Variants in CLSPN observed in about 807,000 individuals in gnomAD.
CLSPN encodes the protein claspin homolog.
A neutral mutation model predicts 156.3 loss-of-function variants in CLSPN; 85 were observed. That is an observed-to-expected ratio of 0.54 (90% CI 0.46 to 0.65). The LOEUF (loss-of-function observed/expected upper bound fraction) is 0.65. Among genes scored for constraint, CLSPN ranks in the 30% least tolerant of loss-of-function variants. The probability of loss-of-function intolerance (pLI) is 0.00; values close to 1 mark genes in which losing one functional copy is unlikely to be tolerated. For synonymous variants in CLSPN, 534 were observed against 542.4 expected, an observed-to-expected ratio of 0.98 and a Z score of 0.22; for missense variants, 1,407 against 1,554.9, an observed-to-expected ratio of 0.90 and a Z score of 1.60.
chr1:35,760,206 A>G (rs959357573), intron 8 of CLSPN, 136 bp downstream of exon 8: 1 of 660,254 alleles, frequency 1.5e-6, no homozygotes, highest in Non-Finnish European at 2.5e-6. Flanking sequence ...GACTCTGCCC[A>G]TATCTGGAAC....
chr1:35,720,519 G>A (rs554589390), exon 25 of CLSPN: 122 of 138,282 alleles, frequency 8.8e-4, no homozygotes, highest in African/African-American at 3.1e-3. Context: ...GCGCAATCTC[G>A]GCTCACCGCA....
chr1:35,728,077 C>CTTTTTTTTTTTTTTTTT (rs59275877), downstream of CLSPN, among the ~76,000 whole-genome samples: 16 of 103,986 alleles, frequency 1.5e-4, no homozygotes, highest in African/African-American at 1.8e-4. Flanking sequence ...AAACCACAAG[C>CTTTTTTTTTTTTTTTTT]TTTTTTTTTT....
Position 35,734,084 on chromosome 1 carries a change from T to G in CLSPN, c.*2412A>C. ...AACCCAAACCACTTGGTAAGTTAAC[T>G]TGATCAATTCACTAGGACTGAGAAG... On this transcript the variant is annotated 3_prime_UTR_variant, in exon 25 of 25. Coordinates refer to ENST00000318121, the MANE Select transcript of CLSPN (RefSeq NM_022111.4). The G allele has an allele frequency of 1.0e-6, 1 of 985,440 alleles. No individual in the cohort carries two copies. Among genetic ancestry groups the G allele is most frequent in the Non-Finnish European group, 1.2e-6 (1 of 829,924 alleles). The allele number at this position is 985,440 out of a possible 1,614,324, so 61.0% of individuals were successfully genotyped here.
In CLSPN at chr1:35,733,259, C is replaced by A. The variant is rs527617715; in HGVS notation, c.*3237G>T. Among the ~76,000 whole-genome samples, 1 of 152,004 alleles carries A rather than the reference C, an allele frequency of 6.6e-6. No individual in the cohort carries two copies. Among genetic ancestry groups the A allele is most frequent in the South Asian group, 2.1e-4 (1 of 4,814 alleles). ...CTGAGATTACAGGCATAAGCCACCA[C>A]GCCCAGCCCAGAAACCATTTTCTCC... On this transcript the variant is annotated 3_prime_UTR_variant, in exon 25 of 25. Coordinates refer to ENST00000318121, the MANE Select transcript of CLSPN (RefSeq NM_022111.4).
Position 35,737,396 on chromosome 1 carries a change from T to G in CLSPN, c.3690A>C (p.Glu1230Asp). 2 of 1,614,014 alleles carry G rather than the reference T, an allele frequency of 1.2e-6. No individual in the cohort carries two copies. Among genetic ancestry groups the G allele is most frequent in the Non-Finnish European group, 1.7e-6 (2 of 1,179,932 alleles). ...AAGGATTTCTGAGCAAAGACTTTGA[T>G]TCCTGAATAACCATAGGGCGACTGG... ...KNASRPMVIQ[E>D]SKSLLRNPFE... Residue 1230 changes from glutamate (E) to aspartate (D), a missense_variant, in exon 23 of 25, where the codon GAA (glutamate) becomes GAC (aspartate). Glu to Asp is a conservative substitution (Grantham distance 45). This residue lies in a region of CLSPN where 241 missense variants were observed against 240.5 expected (regional missense o/e 1.00). Coordinates refer to ENST00000318121, the MANE Select transcript of CLSPN (RefSeq NM_022111.4).
At chr1:35,740,421 CTTT>C (rs11339039) in intron 18 of CLSPN, among the ~76,000 whole-genome samples, 6 of 142,268 alleles carry the variant, frequency 4.2e-5, no homozygotes, top group Non-Finnish European at 4.6e-5. Flanking sequence ...TGTATTTTCT[CTTT>C]TTTTTTTTTT....
At chr1:35,742,417 A>G (rs1641726121) in intron 18 of CLSPN, among the ~76,000 whole-genome samples, 1 of 152,156 alleles carries the variant, frequency 6.6e-6, no homozygotes, top group South Asian at 2.1e-4. Context: ...GCTGGAGTGC[A>G]GTGGGGCAAT....
Position 35,760,872 on chromosome 1 carries a change from G to A in CLSPN, c.1049C>T (p.Thr350Ile). ...ACTGTTCATTTCAGTAGTATTTGCAGTGTCTATGATTTCTTTGTGATGGCT... is the reference window on the plus strand; with the variant it reads ...ACTGTTCATTTCAGTAGTATTTGCAATGTCTATGATTTCTTTGTGATGGCT... ...QSSHHKEIID[T>I]ANTTEMNSDH... The change falls in exon 8 of 25, where the codon ACT (threonine) becomes ATT (isoleucine). Residue 350 changes from threonine to isoleucine, a missense_variant. Thr to Ile is a moderately conservative substitution (Grantham distance 89). This residue lies in a region of CLSPN where 1,096 missense variants were observed against 1,193.0 expected (regional missense o/e 0.92). Coordinates refer to ENST00000318121, the MANE Select transcript of CLSPN (RefSeq NM_022111.4). 1 of 1,613,898 alleles carries A rather than the reference G, an allele frequency of 6.2e-7. No individual in the cohort carries two copies. Among genetic ancestry groups the A allele is most frequent in the Non-Finnish European group, 8.5e-7 (1 of 1,179,854 alleles).
intron 1 of CLSPN, among the ~76,000 whole-genome samples, chr1:35,766,439 T>C (rs1427401421): frequency 5.3e-5 from 8 of 152,116 alleles, no homozygotes; most frequent in Non-Finnish European, 1.2e-4. Flanking sequence ...TTCTATATGC[T>C]ATGTGTATAT....
intron 1 of CLSPN, among the ~76,000 whole-genome samples, chr1:35,767,621 C>T (rs755763494): frequency 6.6e-6 from 1 of 152,096 alleles, no homozygotes; most frequent in Non-Finnish European, 1.5e-5. Context: ...ATAAAATTAC[C>T]TTCAGACTAT....
In CLSPN at chr1:35,764,599, A is replaced by T; in HGVS notation, c.249T>A (p.Ser83Arg). ...AATTCTCTTTATTTTCCTCCTCGGCACTGTCATAGGTAGTTTTCTCTGGAG... is the reference window on the plus strand; with the variant it reads ...AATTCTCTTTATTTTCCTCCTCGGCTCTGTCATAGGTAGTTTTCTCTGGAG... ...NASPEKTTYD[S>R]AEEENKENLY... Residue 83 changes from serine (S) to arginine (R), a missense_variant, in exon 3 of 25, where the codon AGT becomes AGA. By Grantham distance (110) the Ser-to-Arg change is moderately radical (BLOSUM62 -1). This residue lies in a region of CLSPN where 1,096 missense variants were observed against 1,193.0 expected (regional missense o/e 0.92). Transcript: ENST00000318121. 1 of 1,613,862 alleles carries T rather than the reference A, an allele frequency of 6.2e-7. No homozygotes were observed. The highest frequency in any genetic ancestry group is 8.5e-7 in the Non-Finnish European group (1 of 1,179,914).
chr1:35,765,978 C>G (rs1194239775), intron 1 of CLSPN, among the ~76,000 whole-genome samples: 1 of 90,640 alleles, frequency 1.1e-5, no homozygotes. Context: ...TGGGTGGTTT[C>G]TTTCTCTCTC....
chr1:35,742,147 T>C (rs956114546), intron 18 of CLSPN, among the ~76,000 whole-genome samples: 7 of 152,004 alleles, frequency 4.6e-5, no homozygotes, highest in Non-Finnish European at 2.9e-5. Flanking sequence ...CCAGGTGTGG[T>C]GGCACATGCC....
chr1:35,741,333 C>T (rs953069975), intron 18 of CLSPN, among the ~76,000 whole-genome samples: 4 of 151,812 alleles, frequency 2.6e-5, no homozygotes, highest in Non-Finnish European at 5.9e-5. Flanking sequence ...TTGCGGGGGT[C>T]GGGGAGAATG....
At position 35,734,318 on chromosome 1, in the gene CLSPN, C is replaced by T; in HGVS notation, c.*2178G>A. ...ATTAAAACATCTTTATACACATTTT[C>T]CCCATTATAAGATTACAAGTATACA... is the stretch of plus-strand genomic sequence containing the variant. On this transcript the variant is annotated 3_prime_UTR_variant, in exon 25 of 25. Transcript: ENST00000318121. The T allele has an allele frequency of 2.0e-6, 2 of 984,732 alleles. No homozygotes were observed. The highest frequency in any genetic ancestry group is 2.4e-6 in the Non-Finnish European group (2 of 829,314). 61.0% of individuals were successfully genotyped at this position (984,732 alleles called of 1,614,324 possible).
chr1:35,752,535 G>A (rs1432327843), intron 9 of CLSPN, among the ~76,000 whole-genome samples: 1 of 141,996 alleles, frequency 7.0e-6, no homozygotes, highest in Non-Finnish European at 1.5e-5. Flanking sequence ...CTAAGATCGT[G>A]CCATTGCACT....
At chr1:35,726,060 G>A (rs759041755) in intron 24 of CLSPN, among the ~76,000 whole-genome samples, 22 of 139,032 alleles carry the variant, frequency 1.6e-4, no homozygotes, top group Non-Finnish European at 3.0e-4. Context: ...GGCAAGCATC[G>A]TTCTTTGAGT....
chr1:35,745,616 T>A, intron 15 of CLSPN, 54 bp from the exon 16 acceptor site: 1 of 1,275,420 alleles, frequency 7.8e-7, no homozygotes, highest in Non-Finnish European at 1.1e-6. Flanking sequence ...CTTTATACTC[T>A]TTTCCCAGCC....
intron 6 of CLSPN, among the ~76,000 whole-genome samples, 193 bp downstream of exon 6, chr1:35,761,805 G>A (rs1249086634): frequency 6.6e-6 from 1 of 152,090 alleles, no homozygotes; most frequent in Non-Finnish European, 1.5e-5. Context: ...CTACAGTTCT[G>A]AAAATTTCTT....
Sources: gnomAD v4.1 joint callset for allele counts (sites outside exome capture counted in the v4.1 genomes callset) on GRCh38, gnomAD v4.1.1 for gene constraint, gnomAD v4.1.1 regional missense constraint, MANE v1.5 for transcripts, NCBI Gene and HGNC (gene_info 2026-07-23, HGNC 2026-07-21) for gene names.